The following ADNP variants were observed in gnomAD, a reference collection of about 807,000 sequenced individuals.
The protein encoded by ADNP is activity dependent neuroprotector homeobox.
A neutral mutation model predicts 84.9 loss-of-function variants in ADNP; 4 were observed. The observed-to-expected ratio is 0.05, with a 90% CI of 0.02 to 0.11. The LOEUF (loss-of-function observed/expected upper bound fraction) is 0.11. ADNP is among the 10% of genes least tolerant of loss of function. The pLI, the probability that ADNP is intolerant of heterozygous loss-of-function variation, is 1.00. For synonymous variants in ADNP, 554 were observed against 468.1 expected, an observed-to-expected ratio of 1.18 and a Z score of -2.37; for missense variants, 1,132 against 1,326.0, an observed-to-expected ratio of 0.85 and a Z score of 2.27.
chr20:50,902,647 A>C (rs1482772406), intron 4 of ADNP, among the ~76,000 whole-genome samples: 1 of 152,212 alleles, frequency 6.6e-6, no homozygotes, highest in Non-Finnish European at 1.5e-5. Context: ...CTCATGTAAA[A>C]ATTTAATGGT....
At chr20:50,896,696 G>C (rs550620714) in intron 5 of ADNP, among the ~76,000 whole-genome samples, 1 of 152,270 alleles carries the variant, frequency 6.6e-6, no homozygotes, top group Admixed American at 6.5e-5. Flanking sequence ...CCCACTGGAG[G>C]GTCTTCAGGA....
intron 2 of ADNP, among the ~76,000 whole-genome samples, chr20:50,920,277 A>G (rs1482390686): frequency 1.4e-5 from 2 of 143,722 alleles, no homozygotes; most frequent in African/African-American, 5.3e-5. Context: ...AAAAAAAAAA[A>G]AAAAAAAGAA....
At chr20:50,908,760 T>A (rs1982743028) in intron 2 of ADNP, among the ~76,000 whole-genome samples, 1 of 150,734 alleles carries the variant, frequency 6.6e-6, no homozygotes, top group African/African-American at 2.4e-5. Flanking sequence ...GGCGACAGAG[T>A]GAGACTCTGT....
rs6067584 is a variant in ADNP, at chr20:50,894,815, C to T, written c.202-303G>A. 0.091 allele frequency among the ~76,000 whole-genome samples: 13,902 copies of T among 152,118 alleles called. 692 individuals are homozygous for T. Among genetic ancestry groups the T allele is most frequent in the African/African-American group, 0.13 (5,545 of 41,472 alleles). On this transcript the variant is annotated intron_variant, in intron 5 of 5. Coordinates refer to ENST00000621696, the MANE Select transcript of ADNP (RefSeq NM_001282531.3). ...CAGGAGGGTGAGGCAGGAGAATCGC[C>T]TGAAGCTGGGAGGTGGAGGTTGCAA...
At chr20:50,898,737 C>G (rs1429898974) in intron 5 of ADNP, among the ~76,000 whole-genome samples, 2 of 152,146 alleles carry the variant, frequency 1.3e-5, no homozygotes, top group Non-Finnish European at 2.9e-5. Context: ...GAGATTAAAC[C>G]ATGCACAAGA....
intron 2 of ADNP, among the ~76,000 whole-genome samples, chr20:50,922,636 G>A: frequency 6.7e-6 from 1 of 148,410 alleles, no homozygotes; most frequent in East Asian, 2.0e-4. Context: ...CTGGAGTGCA[G>A]TGGTGCAATC....
In ADNP at chr20:50,930,146, G is replaced by C. The variant is rs139401721; in HGVS notation, c.-265+680C>G. On this transcript the variant is annotated intron_variant, in intron 1 of 5. Coordinates refer to ENST00000621696, the MANE Select transcript of ADNP (RefSeq NM_001282531.3). ...CATTACATTAAAAAAAAATCTTTTTGCAGCTCTCTGGATTTCCATTTTCTA... is the reference window on the plus strand; with the variant it reads ...CATTACATTAAAAAAAAATCTTTTTCCAGCTCTCTGGATTTCCATTTTCTA... 1.9e-3 allele frequency among the ~76,000 whole-genome samples: 290 copies of C among 152,208 alleles called. 1 individual carries two copies. Among genetic ancestry groups the C allele is most frequent in the Middle Eastern group, 6.8e-3 (2 of 294 alleles).
chr20:50,920,837 G>A (rs1983911778), intron 2 of ADNP, among the ~76,000 whole-genome samples: 1 of 152,318 alleles, frequency 6.6e-6, no homozygotes, highest in East Asian at 1.9e-4. Flanking sequence ...TCAGCCATAT[G>A]TAAAAAATTT....
chr20:50,929,832 TTC>T (rs1984543009), intron 1 of ADNP, among the ~76,000 whole-genome samples: 1 of 152,090 alleles, frequency 6.6e-6, no homozygotes, highest in East Asian at 1.9e-4. Context: ...AACAGTTTGG[TTC>T]TTTTTCCCTC....
At chr20:50,920,836 T>G (rs781352381) in intron 2 of ADNP, among the ~76,000 whole-genome samples, 1 of 152,230 alleles carries the variant, frequency 6.6e-6, no homozygotes, top group African/African-American at 2.4e-5. Flanking sequence ...ATCAGCCATA[T>G]GTAAAAAATT....
At chr20:50,901,489 T>G (rs973638886) in intron 5 of ADNP, among the ~76,000 whole-genome samples, 8 of 152,124 alleles carry the variant, frequency 5.3e-5, no homozygotes, top group South Asian at 2.1e-4. Flanking sequence ...GAAGGAAATA[T>G]CACCTATATG....
rs56911332 is a variant in ADNP at position 50,913,250 on chromosome 20, C to CAAAAAAAAAAAAAAAA, written c.-89-8417_-89-8402dup. 1.3e-3 allele frequency among the ~76,000 whole-genome samples: 56 copies of CAAAAAAAAAAAAAAAA among 42,902 alleles called. 9 individuals carry two copies. Among genetic ancestry groups the CAAAAAAAAAAAAAAAA allele is most frequent in the African/African-American group, 2.2e-3 (28 of 12,496 alleles). 28.1% of individuals were successfully genotyped at this position (42,902 alleles called of 152,430 possible). On this transcript the variant is annotated intron_variant, in intron 2 of 5. Coordinates refer to ENST00000621696, the MANE Select transcript of ADNP (RefSeq NM_001282531.3). ...CCTGGGCAAGAGTGAGACTCTGTCT[C>CAAAAAAAAAAAAAAAA]AAAAAAAAAAAAAAAAAAAAAAAAA...
At chr20:50,921,738 A>G (rs1983965667) in intron 2 of ADNP, among the ~76,000 whole-genome samples, 2 of 152,356 alleles carry the variant, frequency 1.3e-5, no homozygotes, top group South Asian at 4.2e-4. Flanking sequence ...GGACAAGGTG[A>G]AAGCTGGGCA....
At chr20:50,918,621 T>C (rs1470125395) in intron 2 of ADNP, among the ~76,000 whole-genome samples, 2 of 152,208 alleles carry the variant, frequency 1.3e-5, no homozygotes, top group African/African-American at 4.8e-5. Flanking sequence ...AACTAATAGA[T>C]TTAGTACAGC....
At chr20:50,894,554 A>G in intron 5 of ADNP, 42 bp from the exon 6 acceptor site, 1 of 1,538,772 alleles carries the variant, frequency 6.5e-7, no homozygotes, top group Non-Finnish European at 8.7e-7. Context: ...GCCACTTCAG[A>G]TAGGCAGTTA....
chr20:50,909,942 T>C (rs1217495865), intron 2 of ADNP, among the ~76,000 whole-genome samples: 3 of 152,234 alleles, frequency 2.0e-5, no homozygotes, highest in Non-Finnish European at 2.9e-5. Flanking sequence ...TCAATCCAGC[T>C]GTGCCCGAAG....
chr20:50,894,316 G>A lies in ADNP; in HGVS notation c.398C>T (p.Ala133Val), dbSNP rs765806279. ...GCTGAGGCTGCTACTTGGTGCGCTG[G>A]CGTTCGGAGCATGAAATATTTTAAT... ...THIKIFHAPN[A>V]SAPSSSLSTF... The change falls in exon 6 of 6, where the codon GCC (alanine) becomes GTC (valine). Residue 133 changes from alanine (A) to valine (V), a missense_variant. This residue lies in a region of ADNP where 130 missense variants were observed against 183.7 expected (regional missense o/e 0.71). Coordinates refer to ENST00000621696, the MANE Select transcript of ADNP (RefSeq NM_001282531.3). 6.2e-7 allele frequency: 1 copy of A among 1,613,702 alleles called. No homozygotes were observed. The highest frequency in any genetic ancestry group is 8.5e-7 in the Non-Finnish European group (1 of 1,179,926).
chr20:50,920,554 TAAA>T (rs577700827), intron 2 of ADNP, among the ~76,000 whole-genome samples: 5 of 129,804 alleles, frequency 3.9e-5, no homozygotes, highest in African/African-American at 5.8e-5. Flanking sequence ...TGGACTCCAT[TAAA>T]AAAAAAAAAA....
intron 5 of ADNP, among the ~76,000 whole-genome samples, chr20:50,896,806 CACTT>C (rs1321207730): frequency 6.6e-6 from 1 of 150,384 alleles, no homozygotes; most frequent in Non-Finnish European, 1.5e-5. Context: ...GGAGGTCTCA[CACTT>C]ACCAAGAATA....
Sources: allele counts gnomAD v4.1 joint callset (sites outside exome capture counted in the v4.1 genomes callset), GRCh38; gene constraint gnomAD v4.1.1; regional missense constraint gnomAD v4.1.1; transcripts MANE v1.5; gene names NCBI Gene and HGNC (gene_info 2026-07-23, HGNC 2026-07-21).